Variants in GATA2 observed in about 807,000 individuals in gnomAD.
GATA2 encodes GATA binding protein 2, also known as endothelial transcription factor GATA-2.
Under a neutral mutation model 35.7 loss-of-function variants are expected in GATA2, and 6 were observed. The observed-to-expected ratio is 0.17, with a 90% CI of 0.09 to 0.33. GATA2 has a LOEUF of 0.33. Among genes scored for constraint, GATA2 ranks in the 10% least tolerant of loss-of-function variants. GATA2 has a pLI of 1.00. For synonymous variants in GATA2, 313 were observed against 274.9 expected (o/e 1.14, Z -1.37); for missense variants, 541 against 656.6 (o/e 0.82, Z 1.92).
intron 1 of GATA2, chr3:128,489,485 G>C (rs1241374146): frequency 6.5e-6 from 1 of 152,682 alleles, no homozygotes; most frequent in Non-Finnish European, 1.5e-5. Context: ...GCCCTTGGGG[G>C]ACCCGCCTGC....
At position 128,481,080 on chromosome 3, in the gene GATA2, G is replaced by T. The variant is rs2068620819; in HGVS notation, c.1382C>A (p.Pro461His). ...GTGGCCGAAGGAGAGGCTGGAGGAGGGGTGGATGGGCGTCGGAGTGGGCAG... is the reference window on the plus strand; with the variant it reads ...GTGGCCGAAGGAGAGGCTGGAGGAGTGGTGGATGGGCGTCGGAGTGGGCAG... ...HILPTPTPIH[P>H]SSSLSFGHPH... Residue 461 changes from proline to histidine, a missense_variant, in exon 6 of 6, where the codon CCC becomes CAC. Coordinates refer to ENST00000341105, the MANE Select transcript of GATA2 (RefSeq NM_032638.5). The T allele has an allele frequency of 6.2e-7, 1 of 1,607,898 alleles. No homozygotes were observed. Among genetic ancestry groups the T allele is most frequent in the Non-Finnish European group, 8.5e-7 (1 of 1,175,698 alleles).
At chr3:128,487,166 C>G in intron 1 of GATA2, 90 bp from the exon 2 acceptor site, 2 of 698,778 alleles carry the variant, frequency 2.9e-6, no homozygotes, top group Non-Finnish European at 2.3e-6. Context: ...CACGGAGCCC[C>G]AGCCCAGATC....
rs1304934410 is a variant in GATA2, at chr3:128,486,849, G to A, written c.183C>T (p.Ala61=). ...HLDSQGNPYY[A]NPAHARARVS... ...CGCGCGCCCGCGCGTGAGCGGGGTTGGCATAGTAGGGGTTGCCCTGCGAGT... is the reference window on the plus strand; with the variant it reads ...CGCGCGCCCGCGCGTGAGCGGGGTTAGCATAGTAGGGGTTGCCCTGCGAGT... The change falls in exon 2 of 6, where the codon GCC becomes GCT. Residue 61 remains alanine (A), a synonymous_variant. Coordinates refer to ENST00000341105, the MANE Select transcript of GATA2 (RefSeq NM_032638.5). The A allele has an allele frequency of 1.2e-6, 2 of 1,611,938 alleles. No homozygotes were observed. Among genetic ancestry groups the A allele is most frequent in the Non-Finnish European group, 1.7e-6 (2 of 1,179,452 alleles).
In GATA2 at chr3:128,485,908, G is replaced by A; in HGVS notation, c.690C>T (p.Arg230=). Residue 230 remains arginine (R), a synonymous_variant, in exon 3 of 6, where the codon CGC becomes CGT. Coordinates refer to ENST00000341105, the MANE Select transcript of GATA2 (RefSeq NM_032638.5). ...SMKMESGSPL[R]PGLATMGTQP... is the part of the protein sequence containing the mutation. ...GGGTGCCCATAGTAGCTAGGCCTGG[G>A]CGCAGGGGACTGCCACTTTCCATCT... The A allele has an allele frequency of 6.2e-7, 1 of 1,614,138 alleles. No homozygotes were observed. Among genetic ancestry groups the A allele is most frequent in the Non-Finnish European group, 8.5e-7 (1 of 1,179,990 alleles).
At position 128,483,348 on chromosome 3, in the gene GATA2, G is replaced by A. The variant is rs890419135; in HGVS notation, c.1017+512C>T. On this transcript the variant is annotated intron_variant, in intron 4 of 5. Coordinates refer to ENST00000341105, the MANE Select transcript of GATA2 (RefSeq NM_032638.5). The stretch of plus-strand genomic sequence containing the variant: ...TGCAGATGTCCGGATAGGAAACTCC[G>A]GCAGGAGATCCGAAAGGGCATTTTT... Among the ~76,000 whole-genome samples the A allele has an allele frequency of 1.3e-5, 2 of 152,148 alleles. No individual in the cohort carries two copies. The highest frequency in any genetic ancestry group is 2.1e-4 in the South Asian group (1 of 4,826).
At chr3:128,484,437 T>G (rs2107670845) in intron 3 of GATA2, among the ~76,000 whole-genome samples, 1 of 152,266 alleles carries the variant, frequency 6.6e-6, no homozygotes, top group Admixed American at 6.5e-5. Context: ...TTTGTCCCTC[T>G]CCTTTCTACC....
Position 128,485,872 on chromosome 3 carries a change from T to A in GATA2, c.726A>T (p.Thr242=), listed in dbSNP as rs748327302. The A allele has an allele frequency of 6.2e-7, 1 of 1,613,946 alleles. No individual in the cohort carries two copies. Among genetic ancestry groups the A allele is most frequent in the South Asian group, 1.1e-5 (1 of 91,066 alleles). The change falls in exon 3 of 6, where the codon ACA becomes ACT. Residue 242 remains threonine (T), a synonymous_variant. Coordinates refer to ENST00000341105, the MANE Select transcript of GATA2 (RefSeq NM_032638.5). ...AGGGGTAGGTGGGGATGGGGTGGTG[T>A]GTAGCAGGCTGGGTGCCCATAGTAG... ...GLATMGTQPA[T]HHPIPTYPSY...
chr3:128,481,781 C>G (rs772816628), intron 5 of GATA2, 38 bp downstream of exon 5: 4 of 1,602,700 alleles, frequency 2.5e-6, no homozygotes, highest in Non-Finnish European at 3.4e-6. Context: ...CAGAGGTCCC[C>G]TGGGAGGGGC....
At chr3:128,489,972 G>A (rs1404858030) in intron 1 of GATA2, 2 of 152,256 alleles carry the variant, frequency 1.3e-5, no homozygotes, top group African/African-American at 4.8e-5. Context: ...CTGGCCGCTG[G>A]GCTGTGAACG....
At chr3:128,485,583 C>T (rs528705640) in intron 3 of GATA2, 144 bp downstream of exon 3, 250 of 1,066,588 alleles carry the variant, frequency 2.3e-4, no homozygotes, top group Non-Finnish European at 3.3e-4. Flanking sequence ...GGGTCTCAAA[C>T]ATCTGCTGGG....
At position 128,486,217 on chromosome 3, in the gene GATA2, G is replaced by A. The variant is rs1576749068; in HGVS notation, c.381C>T (p.His127=). 1 of 1,560,642 alleles carries A rather than the reference G, an allele frequency of 6.4e-7. No individual in the cohort carries two copies. Among genetic ancestry groups the A allele is most frequent in the Non-Finnish European group, 8.7e-7 (1 of 1,152,510 alleles). The change falls in exon 3 of 6, where the codon CAC becomes CAT. Residue 127 remains histidine (H), a synonymous_variant. Coordinates refer to ENST00000341105, the MANE Select transcript of GATA2 (RefSeq NM_032638.5). ...TVSPFSKTPL[H]PSAAGGPGGP... ...CTCCAGGGCCTCCAGCAGCTGAGGGGTGCAGTGGCGTCTTGGAGAAGGGGC... is the reference window on the plus strand; with the variant it reads ...CTCCAGGGCCTCCAGCAGCTGAGGGATGCAGTGGCGTCTTGGAGAAGGGGC...
chr3:128,485,937 T>A lies in GATA2; in HGVS notation c.661A>T (p.Met221Leu). 1 of 1,614,178 alleles carries A rather than the reference T, an allele frequency of 6.2e-7. No individual in the cohort carries two copies. The change falls in exon 3 of 6, where the codon ATG becomes TTG. Residue 221 changes from methionine (M) to leucine (L), a missense_variant. Coordinates refer to ENST00000341105, the MANE Select transcript of GATA2 (RefSeq NM_032638.5). ...VKYQVSLTESMKMESGSPLRP... is the reference protein window; with the variant it reads ...VKYQVSLTESLKMESGSPLRP... ...AGGGGACTGCCACTTTCCATCTTCA[T>A]GCTCTCCGTCAGTGACACCTGGTAC...
At position 128,482,019 on chromosome 3, in the gene GATA2, C is replaced by T. The variant is rs947967894; in HGVS notation, c.1018-75G>A. 1.8e-5 allele frequency: 28 copies of T among 1,572,468 alleles called. No homozygotes were observed. The African/African-American group carries it at 2.6e-4, about 14-fold the overall frequency. Reference sequence around the variant, plus strand: ...ACCCCCCTCCCTGACCCTCGCTCCACCCCCAGTCCCCACCAGCTCAGTCAA... The same window carrying T: ...ACCCCCCTCCCTGACCCTCGCTCCATCCCCAGTCCCCACCAGCTCAGTCAA... On this transcript the variant is annotated intron_variant, in intron 4 of 5. Coordinates refer to ENST00000341105, the MANE Select transcript of GATA2 (RefSeq NM_032638.5).
Position 128,487,194 on chromosome 3 carries a change from A to G in GATA2, c.-45-118T>C, listed in dbSNP as rs1029930204. The G allele has an allele frequency of 4.8e-6, 3 of 619,748 alleles. No homozygotes were observed. The African/African-American group carries it at 5.7e-5, about 12-fold the overall frequency. The allele number at this position is 619,748 out of a possible 1,614,324, so 38.4% of individuals were successfully genotyped here. ...CCCAGATCCGGCGAGAAAGAGCACC[A>G]GTCCCGGGTGGGAGGAAAGCCCAAG... On this transcript the variant is annotated intron_variant, in intron 1 of 5. Transcript: ENST00000341105.
At chr3:128,484,508 C>T (rs1445192632) in intron 3 of GATA2, among the ~76,000 whole-genome samples, 1 of 152,166 alleles carries the variant, frequency 6.6e-6, no homozygotes, top group Non-Finnish European at 1.5e-5. Context: ...CCCTCTTTCT[C>T]CCCAACTTTT....
intron 1 of GATA2, among the ~76,000 whole-genome samples, chr3:128,492,500 G>C (rs1446930959): frequency 1.3e-5 from 2 of 152,200 alleles, no homozygotes; most frequent in African/African-American, 2.4e-5. Context: ...GCCGGCGCAC[G>C]GGACCAGCCG....
At chr3:128,491,565 AG>A (rs2068768629) in intron 1 of GATA2, among the ~76,000 whole-genome samples, 1 of 152,094 alleles carries the variant, frequency 6.6e-6, no homozygotes, top group South Asian at 2.1e-4. Context: ...GGGGTTCCCA[AG>A]GGGGGGACTA....
In GATA2 at chr3:128,481,691, G is replaced by A. The variant is rs2713603; in HGVS notation, c.1143+128C>T. On this transcript the variant is annotated intron_variant, in intron 5 of 5. Transcript: ENST00000341105. Reference sequence around the variant, plus strand: ...CCCTCTTACGGGAAGCCCTTCTGGCGCTCACTCAGGGCAGCAGCTTCCCAA... The same window carrying A: ...CCCTCTTACGGGAAGCCCTTCTGGCACTCACTCAGGGCAGCAGCTTCCCAA... The A allele has an allele frequency of 0.41, 475,811 of 1,151,670 alleles. 99,977 individuals are homozygous for A. The highest frequency in any genetic ancestry group is 0.5 in the South Asian group (32,815 of 65,754). 71.3% of individuals were successfully genotyped at this position (1,151,670 alleles called of 1,614,324 possible).
rs2107670517 is a variant in GATA2, at chr3:128,484,016, A to G, written c.872-11T>C. ...CACACTCCCGGCCTTCTGCAGGGGAACAGGGAGAGACACGGGGGCCTGCTT... is the reference window on the plus strand; with the variant it reads ...CACACTCCCGGCCTTCTGCAGGGGAGCAGGGAGAGACACGGGGGCCTGCTT... On this transcript the variant is annotated splice_polypyrimidine_tract_variant and intron_variant, in intron 3 of 5. Transcript: ENST00000341105. 1 of 1,611,326 alleles carries G rather than the reference A, an allele frequency of 6.2e-7. No individual in the cohort carries two copies. The highest frequency in any genetic ancestry group is 8.5e-7 in the Non-Finnish European group (1 of 1,179,132).
Sources: allele counts gnomAD v4.1 joint callset (sites outside exome capture counted in the v4.1 genomes callset), GRCh38; gene constraint gnomAD v4.1.1; transcripts MANE v1.5; gene names NCBI Gene and HGNC (gene_info 2026-07-23, HGNC 2026-07-21).